The following SPAG16 variants were observed in gnomAD, a reference collection of about 807,000 sequenced individuals.
The protein encoded by SPAG16 is sperm-associated antigen 16 protein.
In SPAG16, 86 loss-of-function variants were observed where a neutral mutation model predicts 80.4. The observed-to-expected ratio is 1.07, with a 90% CI of 0.90 to 1.28. The LOEUF (loss-of-function observed/expected upper bound fraction) is 1.28. Ranked by LOEUF, SPAG16 falls within the 50% of genes most tolerant of loss-of-function variation. SPAG16 has a pLI of 0.00. For missense variants in SPAG16, 870 were observed against 765.3 expected (o/e 1.14, Z -1.61); for synonymous variants, 294 against 265.9 (o/e 1.11, Z -1.03).
intron 15 of SPAG16, among the ~76,000 whole-genome samples, chr2:214,200,720 A>G (rs1391608120): frequency 3.9e-5 from 6 of 152,164 alleles, no homozygotes; most frequent in Non-Finnish European, 7.4e-5. Context: ...TAAAAATTGT[A>G]ATCTGATAAA....
intron 10 of SPAG16, among the ~76,000 whole-genome samples, chr2:213,562,039 A>G (rs1164685167): frequency 6.6e-6 from 1 of 152,182 alleles, no homozygotes; most frequent in Non-Finnish European, 1.5e-5. Flanking sequence ...ATGAAGGTAC[A>G]TTTTCTGAAT....
At chr2:214,287,758 A>C (rs1693468903) in intron 15 of SPAG16, among the ~76,000 whole-genome samples, 1 of 152,208 alleles carries the variant, frequency 6.6e-6, no homozygotes, top group African/African-American at 2.4e-5. Flanking sequence ...AGGAAATTTA[A>C]AAGTCCAGTT....
chr2:214,157,822 T>G (rs1026864167), intron 15 of SPAG16, among the ~76,000 whole-genome samples: 7 of 152,128 alleles, frequency 4.6e-5, no homozygotes, highest in African/African-American at 9.6e-5. Flanking sequence ...GATATCAGGC[T>G]TGAAAGATTG....
chr2:213,737,873 G>A (rs1419577519), intron 10 of SPAG16, among the ~76,000 whole-genome samples: 3 of 152,060 alleles, frequency 2.0e-5, no homozygotes, highest in Non-Finnish European at 4.4e-5. Flanking sequence ...TTGTCAGCAT[G>A]ACATTTTGCC....
chr2:214,386,898 T>C (rs1296548025), intron 15 of SPAG16, among the ~76,000 whole-genome samples: 1 of 142,442 alleles, frequency 7.0e-6, no homozygotes, highest in Non-Finnish European at 1.5e-5. Flanking sequence ...AACTATGAAA[T>C]AGGGAGAACT....
chr2:214,136,708 C>T (rs1057142950), intron 14 of SPAG16, among the ~76,000 whole-genome samples: 8 of 152,256 alleles, frequency 5.3e-5, no homozygotes, highest in South Asian at 2.1e-4. Context: ...CTTCTCTTTC[C>T]GTTCTAATTC....
chr2:214,227,437 T>C (rs568193881), intron 15 of SPAG16, among the ~76,000 whole-genome samples: 119 of 152,036 alleles, frequency 7.8e-4, no homozygotes, highest in Admixed American at 1.6e-3. Context: ...AAAAACTACA[T>C]ATAACATTTC....
intron 9 of SPAG16, among the ~76,000 whole-genome samples, chr2:213,394,100 T>C (rs2067912429): frequency 6.6e-6 from 1 of 152,112 alleles, no homozygotes; most frequent in South Asian, 2.1e-4. Flanking sequence ...AATCAGTACT[T>C]TCTTTTATGA....
chr2:213,676,584 T>C (rs139381895), intron 10 of SPAG16, among the ~76,000 whole-genome samples: 141 of 152,338 alleles, frequency 9.3e-4, no homozygotes, highest in Middle Eastern at 3.4e-3. Context: ...TGAGAGTTTT[T>C]AGCATGAAGG....
At chr2:213,696,918 A>G (rs2065178324) in intron 10 of SPAG16, among the ~76,000 whole-genome samples, 1 of 152,198 alleles carries the variant, frequency 6.6e-6, no homozygotes, top group Non-Finnish European at 1.5e-5. Context: ...GCAGGGTTTT[A>G]TAAAGTGGGA....
At chr2:214,088,474 G>T (rs1559777444) in intron 13 of SPAG16, among the ~76,000 whole-genome samples, 1 of 151,668 alleles carries the variant, frequency 6.6e-6, no homozygotes, top group Non-Finnish European at 1.5e-5. Flanking sequence ...TTAATTGAAA[G>T]AATAAAGAAA....
intron 15 of SPAG16, among the ~76,000 whole-genome samples, chr2:214,388,246 G>T (rs1700870881): frequency 6.6e-6 from 1 of 151,652 alleles, no homozygotes; most frequent in South Asian, 2.1e-4. Flanking sequence ...GTAGAGCCTG[G>T]CACATAAAAT....
intron 6 of SPAG16, among the ~76,000 whole-genome samples, chr2:213,344,579 T>A: frequency 6.6e-6 from 1 of 152,128 alleles, no homozygotes; most frequent in East Asian, 1.9e-4. Flanking sequence ...CCTTCCTGTG[T>A]CCATGTGTTC....
chr2:213,472,801 C>A (rs982582234), intron 9 of SPAG16, among the ~76,000 whole-genome samples: 1 of 152,184 alleles, frequency 6.6e-6, no homozygotes, highest in Admixed American at 6.5e-5. Flanking sequence ...CATTTTGGGT[C>A]CCTAAGAATC....
At chr2:214,191,738 A>G (rs1357869531) in intron 15 of SPAG16, among the ~76,000 whole-genome samples, 3 of 151,016 alleles carry the variant, frequency 2.0e-5, no homozygotes, top group Non-Finnish European at 4.4e-5. Flanking sequence ...AAAAAAAAAA[A>G]AAAAGGAAAA....
At chr2:213,829,543 C>T (rs768130928) in intron 10 of SPAG16, among the ~76,000 whole-genome samples, 3 of 152,108 alleles carry the variant, frequency 2.0e-5, no homozygotes, top group Non-Finnish European at 4.4e-5. Flanking sequence ...CTTTACTCTT[C>T]CCTCTGCTTT....
At chr2:213,918,836 A>AT (rs1254006549) in intron 11 of SPAG16, among the ~76,000 whole-genome samples, 2 of 151,428 alleles carry the variant, frequency 1.3e-5, no homozygotes, top group Admixed American at 6.6e-5. Context: ...GCAGGGATTC[A>AT]TTTTTTTTCC....
chr2:214,338,236 C>G (rs893096987), intron 15 of SPAG16, among the ~76,000 whole-genome samples: 7 of 152,156 alleles, frequency 4.6e-5, no homozygotes, highest in African/African-American at 1.4e-4. Context: ...ATATCCTCAG[C>G]CAAGTGTGGT....
intron 13 of SPAG16, among the ~76,000 whole-genome samples, chr2:214,071,911 A>T (rs954482405): frequency 9.2e-5 from 14 of 152,160 alleles, no homozygotes; most frequent in African/African-American, 3.4e-4. Flanking sequence ...GAGAAATTAT[A>T]ACTAATTTTA....
Sources: gnomAD v4.1 joint callset for allele counts (sites outside exome capture counted in the v4.1 genomes callset) on GRCh38, gnomAD v4.1.1 for gene constraint, MANE v1.5 for transcripts, NCBI Gene and HGNC (gene_info 2026-07-23, HGNC 2026-07-21) for gene names.